MAP2K6: variants seen among roughly 807,000 people sequenced by gnomAD.
MAP2K6 encodes the protein dual specificity mitogen-activated protein kinase kinase 6.
In MAP2K6, 16 loss-of-function variants were observed where a neutral mutation model predicts 53.7. The ratio of observed to expected loss-of-function variants is 0.30; its 90% CI spans 0.20 to 0.45. The LOEUF (loss-of-function observed/expected upper bound fraction) is 0.45, where lower values mean the gene tolerates loss of function less well. MAP2K6 is among the 20% of genes least tolerant of loss of function. The pLI, the probability that MAP2K6 is intolerant of heterozygous loss-of-function variation, is 1.00. For synonymous variants in MAP2K6, 132 were observed against 143.1 expected (o/e 0.92, Z 0.55); for missense variants, 204 against 411.9 (o/e 0.50, Z 4.37).
Position 69,527,478 on chromosome 17 carries a change from G to A in MAP2K6, c.881+769G>A, listed in dbSNP as rs566200203. ...CCAGGGCAGTCAAGAAAAGCAAGAG[G>A]GGAAAGTATTCTCTAGACAATCCAG... On this transcript the variant is annotated intron_variant, in intron 10 of 11. Coordinates refer to ENST00000590474, the MANE Select transcript of MAP2K6 (RefSeq NM_002758.4). 7.2e-5 allele frequency among the ~76,000 whole-genome samples: 11 copies of A among 152,284 alleles called. No individual in the cohort carries two copies. In the South Asian group the frequency reaches 2.3e-3, roughly 32 times the overall value.
intron 1 of MAP2K6, chr17:69,433,418 T>C (rs552114496): frequency 6.6e-6 from 1 of 152,344 alleles, no homozygotes; most frequent in Non-Finnish European, 1.5e-5. Flanking sequence ...AGAAACTAAC[T>C]GCTGAGGCTT....
At chr17:69,478,761 C>T (rs535425979) in intron 1 of MAP2K6, among the ~76,000 whole-genome samples, 70 of 152,202 alleles carry the variant, frequency 4.6e-4, no homozygotes, top group African/African-American at 1.5e-3. Flanking sequence ...TATAGTGCCC[C>T]GTGCTAACTA....
intron 1 of MAP2K6, among the ~76,000 whole-genome samples, chr17:69,428,292 A>G (rs1329109455): frequency 1.3e-5 from 2 of 152,340 alleles, no homozygotes; most frequent in Non-Finnish European, 2.9e-5. Flanking sequence ...GAAGGCCATA[A>G]GGAAAAATCT....
At chr17:69,516,553 A>G (rs1161307387) in intron 2 of MAP2K6, among the ~76,000 whole-genome samples, 1 of 152,222 alleles carries the variant, frequency 6.6e-6, no homozygotes, top group Non-Finnish European at 1.5e-5. Flanking sequence ...ACTGTATGCC[A>G]GACATTCAGC....
In MAP2K6 at chr17:69,549,575, A is replaced by AG. The variant is rs1456730542; in HGVS notation, c.*7824dup. 2.0e-5 allele frequency: 3 copies of AG among 152,226 alleles called. No individual in the cohort carries two copies. The highest frequency in any genetic ancestry group is 4.4e-5 in the Non-Finnish European group (3 of 68,042). The allele number at this position is 152,226 out of a possible 1,614,324, so 9.4% of individuals were successfully genotyped here. On this transcript the variant is annotated 3_prime_UTR_variant, in exon 12 of 12. Transcript: ENST00000590474. ...AAATCAAAGTCAACAATTTTGTATC[A>AG]GGCTGCCTAAATGAACCCTATTGTT...
intron 1 of MAP2K6, among the ~76,000 whole-genome samples, chr17:69,453,915 A>C (rs1226801350): frequency 6.6e-6 from 1 of 152,240 alleles, no homozygotes; most frequent in Non-Finnish European, 1.5e-5. Flanking sequence ...ATGTGCAGCC[A>C]AGGCTGAGAA....
At chr17:69,511,454 G>A (rs913761654) in intron 2 of MAP2K6, among the ~76,000 whole-genome samples, 3 of 152,132 alleles carry the variant, frequency 2.0e-5, no homozygotes, top group Admixed American at 6.5e-5. Context: ...CCATTCTCCC[G>A]AGTTCAACGT....
intron 8 of MAP2K6, among the ~76,000 whole-genome samples, chr17:69,524,664 T>C (rs564040570): frequency 1.3e-5 from 2 of 152,232 alleles, no homozygotes; most frequent in South Asian, 4.1e-4. Context: ...AAATTTGTTA[T>C]GAAAGGAACT....
intron 1 of MAP2K6, among the ~76,000 whole-genome samples, chr17:69,455,904 A>C (rs1244419035): frequency 7.7e-6 from 1 of 129,724 alleles, no homozygotes; most frequent in African/African-American, 3.0e-5. Flanking sequence ...CTCGTTGCCC[A>C]GGCTGGAGTG....
At chr17:69,424,477 A>G (rs1906200893) in intron 1 of MAP2K6, among the ~76,000 whole-genome samples, 1 of 152,208 alleles carries the variant, frequency 6.6e-6, no homozygotes. Flanking sequence ...GTGATATCCC[A>G]TTTTGTAGAT....
At chr17:69,511,462 C>T (rs11867183) in intron 2 of MAP2K6, among the ~76,000 whole-genome samples, 19,464 of 152,210 alleles carry the variant, frequency 0.13, 1,613 homozygotes, top group Middle Eastern at 0.21. Flanking sequence ...CCGAGTTCAA[C>T]GTGTGTGGCC....
chr17:69,468,253 G>C (rs1907877390), intron 1 of MAP2K6, among the ~76,000 whole-genome samples: 1 of 152,114 alleles, frequency 6.6e-6, no homozygotes, highest in African/African-American at 2.4e-5. Flanking sequence ...ATCCAATCCA[G>C]GCCCTTCTCA....
At chr17:69,440,073 A>G (rs1267498329) in intron 1 of MAP2K6, among the ~76,000 whole-genome samples, 1 of 151,598 alleles carries the variant, frequency 6.6e-6, no homozygotes. Context: ...TTTGAGATGA[A>G]GTCTTGCTCT....
chr17:69,464,877 G>A (rs1254553092), intron 1 of MAP2K6, among the ~76,000 whole-genome samples: 5 of 151,760 alleles, frequency 3.3e-5, no homozygotes, highest in African/African-American at 9.7e-5. Flanking sequence ...CACCACGCCC[G>A]GCTAATTTTT....
intron 1 of MAP2K6, among the ~76,000 whole-genome samples, chr17:69,495,376 C>T (rs1598289706): frequency 6.6e-6 from 1 of 152,084 alleles, no homozygotes; most frequent in East Asian, 1.9e-4. Flanking sequence ...GCTGGGACTA[C>T]AGGCGCCCAC....
intron 1 of MAP2K6, among the ~76,000 whole-genome samples, chr17:69,432,699 T>C (rs1005626596): frequency 1.4e-4 from 22 of 151,800 alleles, no homozygotes; most frequent in African/African-American, 5.3e-4. Context: ...CTAATGCATG[T>C]GGGGCTTAAT....
intron 2 of MAP2K6, 87 bp downstream of exon 2, chr17:69,505,933 C>T (rs773174013): frequency 3.5e-6 from 4 of 1,155,262 alleles, no homozygotes; most frequent in Non-Finnish European, 5.1e-6. Flanking sequence ...CTGAGCAATG[C>T]CTTGACTTTA....
chr17:69,471,866 G>C (rs1283240162), intron 1 of MAP2K6, among the ~76,000 whole-genome samples: 1 of 152,154 alleles, frequency 6.6e-6, no homozygotes, highest in Non-Finnish European at 1.5e-5. Context: ...AAAATATAAA[G>C]CCTGTAGAAA....
chr17:69,437,602 T>G (rs1163636986), intron 1 of MAP2K6, among the ~76,000 whole-genome samples: 2 of 152,256 alleles, frequency 1.3e-5, no homozygotes, highest in African/African-American at 4.8e-5. Flanking sequence ...ATTCACCATT[T>G]TAATGATTTT....
Sources: gnomAD v4.1 joint callset for allele counts (sites outside exome capture counted in the v4.1 genomes callset) on GRCh38, gnomAD v4.1.1 for gene constraint, MANE v1.5 for transcripts, NCBI Gene and HGNC (gene_info 2026-07-23, HGNC 2026-07-21) for gene names.